Variants in CLNK observed in about 807,000 individuals in gnomAD.
CLNK encodes the protein cytokine dependent hematopoietic cell linker, also known as cytokine-dependent hematopoietic cell linker.
CLNK carries 74 observed loss-of-function variants against 68.6 expected under a neutral mutation model. The observed-to-expected ratio is 1.08, with a 90% CI of 0.89 to 1.31. The LOEUF (loss-of-function observed/expected upper bound fraction) is 1.31, where lower values mean the gene tolerates loss of function less well. CLNK is among the 50% of genes most tolerant of loss of function. The probability of loss-of-function intolerance (pLI) is 0.00; values close to 1 mark genes in which losing one functional copy is unlikely to be tolerated. For synonymous variants in CLNK, 198 were observed against 172.2 expected, an observed-to-expected ratio of 1.15 and a Z score of -1.17; for missense variants, 553 against 515.3, an observed-to-expected ratio of 1.07 and a Z score of -0.71.
At chr4:10,505,263 G>A (rs1007710613) in intron 17 of CLNK, among the ~76,000 whole-genome samples, 7 of 152,150 alleles carry the variant, frequency 4.6e-5, no homozygotes, top group African/African-American at 9.7e-5. Flanking sequence ...CTCTCCACCC[G>A]GGCTGTGAAA....
intron 7 of CLNK, among the ~76,000 whole-genome samples, chr4:10,564,164 C>T (rs61795101): frequency 6.8e-6 from 1 of 147,388 alleles, no homozygotes; most frequent in Non-Finnish European, 1.5e-5. Context: ...TGCAGTGGTG[C>T]AAAATTATCT....
In CLNK at chr4:10,517,279, C is replaced by T. The variant is rs867503631; in HGVS notation, c.772+3512G>A. The T allele has an allele frequency of 1.1e-4, 16 of 151,774 alleles. No individual in the cohort carries two copies. The South Asian group carries it at 1.5e-3, about 14-fold the overall frequency. 9.4% of individuals were successfully genotyped at this position (151,774 alleles called of 1,614,324 possible). A position where few individuals can be genotyped will look rare whatever the true frequency, so the allele number is the denominator to read the frequency against. ...ATAAAGGAGAGATGAATCCAGTATA[C>T]AGCAGGACAAAAAAAAAGTCAATAC... On this transcript the variant is annotated intron_variant, in intron 15 of 18. Coordinates refer to ENST00000226951, the MANE Select transcript of CLNK (RefSeq NM_052964.4).
rs1439425928 is a variant in CLNK at position 10,532,302 on chromosome 4, C to T, written c.603-19G>A. 3.1e-5 allele frequency: 50 copies of T among 1,599,308 alleles called. No homozygotes were observed. The East Asian group carries it at 3.1e-4, about 10-fold the overall frequency. ...TATCTGACTGCAAGAAAAAGAAATACGGTGTTACATAAAACACAGTTCATA... is the reference window on the plus strand; with the variant it reads ...TATCTGACTGCAAGAAAAAGAAATATGGTGTTACATAAAACACAGTTCATA... On this transcript the variant is annotated intron_variant, in intron 11 of 18. Coordinates refer to ENST00000226951, the MANE Select transcript of CLNK (RefSeq NM_052964.4).
intron 7 of CLNK, among the ~76,000 whole-genome samples, chr4:10,559,558 T>A (rs1051927311): frequency 2.6e-5 from 4 of 152,136 alleles, no homozygotes; most frequent in Non-Finnish European, 5.9e-5. Context: ...TCTCTCTCAA[T>A]GCTCATGCCC....
intron 13 of CLNK, among the ~76,000 whole-genome samples, chr4:10,527,578 G>C (rs879576014): frequency 4.6e-5 from 7 of 152,214 alleles, no homozygotes; most frequent in Admixed American, 3.9e-4. Context: ...AGGTGAATAT[G>C]AAAGTACTAC....
intron 7 of CLNK, among the ~76,000 whole-genome samples, chr4:10,564,238 G>T (rs1318823926): frequency 2.6e-5 from 4 of 151,572 alleles, no homozygotes; most frequent in Non-Finnish European, 5.9e-5. Context: ...TCCCTCTTTG[G>T]TAGATAAAGT....
At chr4:10,711,705 T>C in the CLNK span, among the ~76,000 whole-genome samples, 1 of 152,344 alleles carries the variant, frequency 6.6e-6, no homozygotes, top group East Asian at 1.9e-4. Context: ...CCAGAGAACC[T>C]GGGTGACTTG....
At chr4:10,571,029 G>T (rs1720323318) in intron 5 of CLNK, among the ~76,000 whole-genome samples, 1 of 152,004 alleles carries the variant, frequency 6.6e-6, no homozygotes, top group African/African-American at 2.4e-5. Flanking sequence ...GCTAAAAATG[G>T]GTATTTTAAT....
chr4:10,575,934 C>A (rs1391346995), intron 4 of CLNK, among the ~76,000 whole-genome samples: 2 of 152,176 alleles, frequency 1.3e-5, no homozygotes, highest in Non-Finnish European at 2.9e-5. Context: ...TTCTCCATAG[C>A]ATCTAGGAAC....
the CLNK span, among the ~76,000 whole-genome samples, chr4:10,700,210 C>A: frequency 1.3e-5 from 2 of 152,004 alleles, no homozygotes; most frequent in African/African-American, 4.8e-5. Context: ...CTGAGAATTA[C>A]AATTAGGATA....
chr4:10,699,309 A>G, the CLNK span, among the ~76,000 whole-genome samples: 2 of 28,548 alleles, frequency 7.0e-5, no homozygotes, highest in African/African-American at 2.4e-4. Context: ...CACACCACAT[A>G]CGTGTATACA....
chr4:10,617,645 C>G (rs116821943), intron 2 of CLNK, among the ~76,000 whole-genome samples: 1 of 152,162 alleles, frequency 6.6e-6, no homozygotes, highest in Non-Finnish European at 1.5e-5. Flanking sequence ...GATCCATGAG[C>G]CAAGCCAGAC....
At chr4:10,719,569 A>G in the CLNK span, among the ~76,000 whole-genome samples, 1 of 152,134 alleles carries the variant, frequency 6.6e-6, no homozygotes, top group African/African-American at 2.4e-5. Flanking sequence ...AAATATATGC[A>G]CTGAAAATGG....
chr4:10,637,625 C>G (rs1723144753), intron 2 of CLNK, among the ~76,000 whole-genome samples: 1 of 117,052 alleles, frequency 8.5e-6, no homozygotes, highest in Non-Finnish European at 1.6e-5. Context: ...GACGGAGTCT[C>G]ACTCTCTTGC....
At chr4:10,620,205 C>T (rs771344404) in intron 2 of CLNK, among the ~76,000 whole-genome samples, 5 of 152,160 alleles carry the variant, frequency 3.3e-5, no homozygotes, top group Non-Finnish European at 5.9e-5. Context: ...GGATTTGAAT[C>T]TGGAAACGGG....
intron 4 of CLNK, 71 bp from the exon 5 acceptor site, chr4:10,571,849 C>T (rs1720367793): frequency 8.4e-7 from 1 of 1,190,032 alleles, no homozygotes; most frequent in Non-Finnish European, 1.2e-6. Flanking sequence ...AGACTGGGCC[C>T]TTGTTTTTCT....
intron 16 of CLNK, among the ~76,000 whole-genome samples, chr4:10,508,367 G>C (rs1717404802): frequency 6.6e-6 from 1 of 152,094 alleles, no homozygotes; most frequent in Non-Finnish European, 1.5e-5. Context: ...TGTTGAGGTG[G>C]AAATGTATAC....
chr4:10,694,891 C>T, the CLNK span, among the ~76,000 whole-genome samples: 1 of 152,320 alleles, frequency 6.6e-6, no homozygotes, highest in Admixed American at 6.5e-5. Context: ...ATGTTCTTTT[C>T]TAACCCTAAA....
At chr4:10,695,630 C>T in the CLNK span, among the ~76,000 whole-genome samples, 1 of 152,162 alleles carries the variant, frequency 6.6e-6, no homozygotes, top group African/African-American at 2.4e-5. Flanking sequence ...GGGATGAAAC[C>T]CTCTCTTCTG....
Sources: gnomAD v4.1 joint callset for allele counts (sites outside exome capture counted in the v4.1 genomes callset) on GRCh38, gnomAD v4.1.1 for gene constraint, MANE v1.5 for transcripts, NCBI Gene and HGNC (gene_info 2026-07-23, HGNC 2026-07-21) for gene names.